GRM1: variants seen among roughly 807,000 people sequenced by gnomAD.
GRM1 encodes the protein metabotropic glutamate receptor 1.
GRM1 carries 33 observed loss-of-function variants against 90.9 expected under a neutral mutation model. The ratio of observed to expected loss-of-function variants is 0.36; its 90% CI spans 0.28 to 0.49. The LOEUF (loss-of-function observed/expected upper bound fraction) is 0.49. Among genes scored for constraint, GRM1 ranks in the 20% least tolerant of loss-of-function variants. The pLI, the probability that GRM1 is intolerant of heterozygous loss-of-function variation, is 0.99. For synonymous variants in GRM1, 700 were observed against 613.2 expected (o/e 1.14, Z -2.09); for missense variants, 1,190 against 1,534.3 (o/e 0.78, Z 3.75).
Position 146,432,800 on chromosome 6 carries a change from T to C in GRM1, c.2661-1072T>C, listed in dbSNP as rs149232078. ...AAAGAAGCTGAGTCCAGAAGTGAGATCAGAGTTATTACAATAGACAGAACA... is the reference window on the plus strand; with the variant it reads ...AAAGAAGCTGAGTCCAGAAGTGAGACCAGAGTTATTACAATAGACAGAACA... On this transcript the variant is annotated intron_variant, in intron 7 of 7. Coordinates refer to ENST00000282753, the MANE Select transcript of GRM1 (RefSeq NM_001278064.2). Among the ~76,000 whole-genome samples, 7 of 152,336 alleles carry C rather than the reference T, an allele frequency of 4.6e-5. No individual in the cohort carries two copies. The East Asian group carries it at 1.3e-3, about 29-fold the overall frequency.
chr6:146,219,920 T>C (rs1780001749), intron 2 of GRM1, among the ~76,000 whole-genome samples: 1 of 152,080 alleles, frequency 6.6e-6, no homozygotes, highest in African/African-American at 2.4e-5. Flanking sequence ...TGTGTGTGTG[T>C]GTGTGTGTGT....
intron 1 of GRM1, among the ~76,000 whole-genome samples, chr6:146,075,912 A>G (rs1776170866): frequency 6.6e-6 from 1 of 152,186 alleles, no homozygotes; most frequent in South Asian, 2.1e-4. Flanking sequence ...TACTCTAGTG[A>G]CCATAATCTT....
chr6:146,242,079 G>C (rs780091103), intron 2 of GRM1, among the ~76,000 whole-genome samples: 10 of 152,132 alleles, frequency 6.6e-5, no homozygotes, highest in Non-Finnish European at 1.3e-4. Context: ...CATGTGTAAA[G>C]GCTCAGAGTC....
intron 3 of GRM1, among the ~76,000 whole-genome samples, chr6:146,317,354 C>T (rs1583315994): frequency 6.6e-6 from 1 of 152,312 alleles, no homozygotes; most frequent in South Asian, 2.1e-4. Flanking sequence ...AAACTGCTGC[C>T]TTCCAAGTTA....
At chr6:146,296,094 C>T (rs1257793565) in intron 2 of GRM1, among the ~76,000 whole-genome samples, 1 of 152,208 alleles carries the variant, frequency 6.6e-6, no homozygotes, top group East Asian at 1.9e-4. Flanking sequence ...GTGGTGTATA[C>T]ACATTTTCTT....
chr6:146,184,473 C>G (rs1011186803), intron 2 of GRM1, among the ~76,000 whole-genome samples: 1 of 151,818 alleles, frequency 6.6e-6, no homozygotes, highest in Non-Finnish European at 1.5e-5. Context: ...CTGAATGGGC[C>G]TCATGGACTG....
chr6:146,413,353 T>C (rs1777637516), intron 7 of GRM1, among the ~76,000 whole-genome samples: 1 of 152,150 alleles, frequency 6.6e-6, no homozygotes, highest in African/African-American at 2.4e-5. Context: ...CAATTATTGG[T>C]ATTGATTGTA....
In GRM1 at chr6:146,237,768, C is replaced by T. The variant is rs1583205656; in HGVS notation, c.951-66843C>T. On this transcript the variant is annotated intron_variant, in intron 2 of 7. Coordinates refer to ENST00000282753, the MANE Select transcript of GRM1 (RefSeq NM_001278064.2). ...CAAGCAGTGTCAATCTTTGTATCCT[C>T]TTAGACATCTGAAGTCATGCCATCT... Among the ~76,000 whole-genome samples, 4 of 152,214 alleles carry T rather than the reference C, an allele frequency of 2.6e-5. No individual in the cohort carries two copies. The South Asian group carries it at 6.2e-4, about 24-fold the overall frequency.
intron 1 of GRM1, among the ~76,000 whole-genome samples, chr6:146,133,314 A>G (rs1027288389): frequency 9.2e-5 from 14 of 152,186 alleles, no homozygotes; most frequent in Non-Finnish European, 7.4e-5. Context: ...CTCTTTTCTT[A>G]GTTTTTATTG....
intron 1 of GRM1, among the ~76,000 whole-genome samples, chr6:146,138,838 A>C (rs755384514): frequency 3.3e-5 from 5 of 150,128 alleles, no homozygotes; most frequent in Non-Finnish European, 7.4e-5. Context: ...TTCTGCTCTG[A>C]TCTTCATTAT....
At chr6:146,081,278 T>G (rs1446296232) in intron 1 of GRM1, among the ~76,000 whole-genome samples, 2 of 152,164 alleles carry the variant, frequency 1.3e-5, no homozygotes, top group African/African-American at 4.8e-5. Flanking sequence ...AAATCTGAAA[T>G]TATTTCAAAA....
At chr6:146,043,762 A>G (rs926537231) in intron 1 of GRM1, among the ~76,000 whole-genome samples, 8 of 129,112 alleles carry the variant, frequency 6.2e-5, no homozygotes, top group African/African-American at 1.9e-4. Flanking sequence ...TCTCAACTCT[A>G]TTTTTGGAAA....
At chr6:146,279,355 A>T (rs1782488167) in intron 2 of GRM1, among the ~76,000 whole-genome samples, 2 of 151,892 alleles carry the variant, frequency 1.3e-5, no homozygotes, top group South Asian at 4.2e-4. Context: ...TTTTTTACAT[A>T]CTTTTGATTT....
At chr6:146,216,555 A>G (rs1284585609) in intron 2 of GRM1, among the ~76,000 whole-genome samples, 1 of 152,160 alleles carries the variant, frequency 6.6e-6, no homozygotes, top group African/African-American at 2.4e-5. Context: ...CCAGTGGAAA[A>G]ATATCATTCG....
intron 1 of GRM1, among the ~76,000 whole-genome samples, chr6:146,129,306 A>G (rs1776304537): frequency 6.6e-6 from 1 of 152,226 alleles, no homozygotes; most frequent in African/African-American, 2.4e-5. Context: ...GACTGGTTTC[A>G]GAGTAGCAGG....
intron 1 of GRM1, among the ~76,000 whole-genome samples, chr6:146,128,712 G>A (rs1003077774): frequency 1.3e-5 from 2 of 152,150 alleles, no homozygotes; most frequent in African/African-American, 2.4e-5. Flanking sequence ...ATGAATGTGT[G>A]TCTGGTTGGC....
chr6:146,289,266 A>C (rs1782890633), intron 2 of GRM1, among the ~76,000 whole-genome samples: 1 of 152,116 alleles, frequency 6.6e-6, no homozygotes. Flanking sequence ...TAAGATGGTG[A>C]TATGGAAGAT....
intron 2 of GRM1, among the ~76,000 whole-genome samples, chr6:146,274,239 T>TTCA (rs1300313674): frequency 6.6e-6 from 1 of 152,258 alleles, no homozygotes; most frequent in African/African-American, 2.4e-5. Context: ...CACTTTTTTA[T>TTCA]ATTCTACATA....
intron 1 of GRM1, among the ~76,000 whole-genome samples, chr6:146,062,293 C>T (rs748479628): frequency 6.6e-5 from 10 of 151,206 alleles, no homozygotes; most frequent in Non-Finnish European, 1.0e-4. Context: ...AGATGAACAA[C>T]GAGAACACAT....
Sources: gnomAD v4.1 joint callset for allele counts (sites outside exome capture counted in the v4.1 genomes callset) on GRCh38, gnomAD v4.1.1 for gene constraint, MANE v1.5 for transcripts, NCBI Gene and HGNC (gene_info 2026-07-23, HGNC 2026-07-21) for gene names.